The following CSGALNACT1 variants were observed in gnomAD, a reference collection of about 807,000 sequenced individuals.
CSGALNACT1 encodes the protein chondroitin sulfate N-acetylgalactosaminyltransferase 1.
In CSGALNACT1, 52 loss-of-function variants were observed where a neutral mutation model predicts 51.0. That is an observed-to-expected ratio of 1.02 (90% CI 0.82 to 1.29). CSGALNACT1 has a LOEUF of 1.29. Ranked by LOEUF, CSGALNACT1 falls within the 50% of genes most tolerant of loss-of-function variation. The pLI is 0.00. For synonymous variants in CSGALNACT1, 341 were observed against 254.4 expected, an observed-to-expected ratio of 1.34 and a Z score of -3.24; for missense variants, 935 against 679.2, an observed-to-expected ratio of 1.38 and a Z score of -4.19.
intron 2 of CSGALNACT1, among the ~76,000 whole-genome samples, chr8:19,593,112 C>T (rs77920357): frequency 0.024 from 3,675 of 152,286 alleles, 162 homozygotes; most frequent in African/African-American, 0.084. Context: ...AAGCTAACTG[C>T]TTCAGTAACT....
chr8:19,711,068 A>AT (rs1265774816), intron 1 of CSGALNACT1, among the ~76,000 whole-genome samples: 1 of 151,912 alleles, frequency 6.6e-6, no homozygotes, highest in African/African-American at 2.4e-5. Context: ...TTACATATTC[A>AT]TTTTTTTCTT....
chr8:19,412,131 C>T (rs547469948), intron 8 of CSGALNACT1, among the ~76,000 whole-genome samples: 97 of 152,348 alleles, frequency 6.4e-4, no homozygotes, highest in African/African-American at 2.3e-3. Context: ...CCGCACCCAG[C>T]CTGCTATCCT....
chr8:19,729,976 G>C (rs983231686), intron 1 of CSGALNACT1, among the ~76,000 whole-genome samples: 2 of 152,136 alleles, frequency 1.3e-5, no homozygotes, highest in African/African-American at 4.8e-5. Flanking sequence ...GCAGAAGTAG[G>C]GTGCTGATGT....
At chr8:19,593,957 C>A (rs1437938571) in intron 2 of CSGALNACT1, among the ~76,000 whole-genome samples, 2 of 152,148 alleles carry the variant, frequency 1.3e-5, no homozygotes, top group East Asian at 1.9e-4. Context: ...AGGAGAAGGA[C>A]TGGAATGGTG....
chr8:19,677,328 C>G (rs1589451474), intron 1 of CSGALNACT1, among the ~76,000 whole-genome samples: 1 of 152,294 alleles, frequency 6.6e-6, no homozygotes. Flanking sequence ...CTAGGCTGGT[C>G]TTGAAGTCCT....
chr8:19,493,235 C>G (rs2074757820), intron 4 of CSGALNACT1, among the ~76,000 whole-genome samples: 1 of 152,200 alleles, frequency 6.6e-6, no homozygotes, highest in South Asian at 2.1e-4. Flanking sequence ...CTCAGGAGCT[C>G]TTCGGTCACC....
intron 4 of CSGALNACT1, among the ~76,000 whole-genome samples, chr8:19,486,599 A>T (rs2073001645): frequency 6.6e-6 from 1 of 152,020 alleles, no homozygotes; most frequent in Non-Finnish European, 1.5e-5. Flanking sequence ...CTCTTCCTTC[A>T]GGTATAGGCA....
chr8:19,594,206 G>A lies in CSGALNACT1; in HGVS notation c.-415-2928C>T, dbSNP rs1258843267. Reference sequence around the variant, plus strand: ...ACTGCTAGAGAACATCAGTATTTAAGGCACGGAAAAGGAGATTATGAAGAA... The same window carrying A: ...ACTGCTAGAGAACATCAGTATTTAAAGCACGGAAAAGGAGATTATGAAGAA... On this transcript the variant is annotated intron_variant, in intron 2 of 9. Transcript: ENST00000454498. 4.6e-5 allele frequency among the ~76,000 whole-genome samples: 7 copies of A among 152,160 alleles called. No homozygotes were observed. In the South Asian group the frequency reaches 1.0e-3, roughly 23 times the overall value.
chr8:19,688,653 G>C (rs1228017035), intron 1 of CSGALNACT1: 1 of 152,134 alleles, frequency 6.6e-6, no homozygotes, highest in African/African-American at 2.4e-5. Flanking sequence ...AAAAGAAAAA[G>C]CTGATAAAAT....
At chr8:19,685,741 A>G (rs2060937277), upstream of CSGALNACT1, among the ~76,000 whole-genome samples, 1 of 152,140 alleles carries the variant, frequency 6.6e-6, no homozygotes, top group African/African-American at 2.4e-5. Context: ...CATCATTCAT[A>G]TTCTGAATCT....
intron 3 of CSGALNACT1, among the ~76,000 whole-genome samples, chr8:19,564,753 T>C (rs149607528): frequency 7.5e-4 from 115 of 152,374 alleles, no homozygotes; most frequent in African/African-American, 2.5e-3. Context: ...TTCATTCTAA[T>C]TCTCTGCATA....
intron 2 of CSGALNACT1, among the ~76,000 whole-genome samples, chr8:19,594,922 T>C (rs1303667112): frequency 1.3e-5 from 2 of 152,186 alleles, no homozygotes; most frequent in Non-Finnish European, 2.9e-5. Context: ...CCCTCCAGGC[T>C]TGGCCTAAGG....
At chr8:19,749,404 G>C (rs550763777) in intron 1 of CSGALNACT1, among the ~76,000 whole-genome samples, 94 of 151,904 alleles carry the variant, frequency 6.2e-4, no homozygotes, top group African/African-American at 2.2e-3. Context: ...GGCAGGTTCT[G>C]TTTGCTTATT....
chr8:19,643,416 G>C (rs1198119184), intron 1 of CSGALNACT1, among the ~76,000 whole-genome samples: 1 of 152,102 alleles, frequency 6.6e-6, no homozygotes, highest in Non-Finnish European at 1.5e-5. Context: ...GCAGTAGGAT[G>C]ACTTGAGGTC....
intron 1 of CSGALNACT1, among the ~76,000 whole-genome samples, chr8:19,644,914 T>C (rs2057120605): frequency 6.6e-6 from 1 of 152,074 alleles, no homozygotes; most frequent in African/African-American, 2.4e-5. Flanking sequence ...TATCCCAACA[T>C]GCCATCAGCC....
intron 1 of CSGALNACT1, among the ~76,000 whole-genome samples, chr8:19,726,681 A>G (rs944756127): frequency 6.6e-6 from 1 of 152,246 alleles, no homozygotes; most frequent in Non-Finnish European, 1.5e-5. Flanking sequence ...GAATGAGTAT[A>G]AAGTCATATG....
At chr8:19,682,689 T>A (rs1564419107), upstream of CSGALNACT1, 1 of 454,082 alleles carries the variant, frequency 2.2e-6, no homozygotes, top group Admixed American at 2.3e-5. Flanking sequence ...AGTCTTGGGT[T>A]ACTCACCTCC....
chr8:19,458,518 A>G (rs2064634000), exon 5 of CSGALNACT1: 3 of 1,613,928 alleles, frequency 1.9e-6, no homozygotes, highest in Non-Finnish European at 2.5e-6. Flanking sequence ...TGAGCTTTTC[A>G]TTTTTCACTT....
Position 19,513,436 on chromosome 8 carries a change from C to CTCTCTCTATATATA in CSGALNACT1, c.-296-7307_-296-7306insTATATATAGAGAGA. On this transcript the variant is annotated intron_variant, in intron 3 of 9. Transcript: ENST00000454498. ...TCTCACTCTCTCTCTCTCTCTCTCTCTATATATATATATATATATATATAT... is the reference window on the plus strand; with the variant it reads ...TCTCACTCTCTCTCTCTCTCTCTCTCTCTCTCTATATATATATATATATATATATATATATATAT... 6.3e-3 allele frequency among the ~76,000 whole-genome samples: 512 copies of CTCTCTCTATATATA among 81,818 alleles called. 3 individuals carry two copies. Among genetic ancestry groups the CTCTCTCTATATATA allele is most frequent in the East Asian group, 0.033 (41 of 1,258 alleles). The allele number at this position is 81,818 out of a possible 152,430, so 53.7% of individuals were successfully genotyped here. A position where few individuals can be genotyped will look rare whatever the true frequency, so the allele number is the denominator to read the frequency against.
Sources: gnomAD v4.1 joint callset for allele counts (sites outside exome capture counted in the v4.1 genomes callset) on GRCh38, gnomAD v4.1.1 for gene constraint, MANE v1.5 for transcripts, NCBI Gene and HGNC (gene_info 2026-07-23, HGNC 2026-07-21) for gene names.